Variants in SASH1 observed in about 807,000 individuals in gnomAD.
SASH1 encodes the protein SAM and SH3 domain-containing protein 1.
SASH1 carries 44 observed loss-of-function variants against 125.2 expected under a neutral mutation model. The ratio of observed to expected loss-of-function variants is 0.35; its 90% CI spans 0.28 to 0.45. The LOEUF (loss-of-function observed/expected upper bound fraction) is 0.45. Among genes scored for constraint, SASH1 ranks in the 20% least tolerant of loss-of-function variants. The pLI is 1.00. For synonymous variants in SASH1, 639 were observed against 649.1 expected (o/e 0.98, Z 0.24); for missense variants, 1,426 against 1,614.5 (o/e 0.88, Z 2.00).
chr6:148,319,160 G>C (rs530316348), intron 1 of SASH1, among the ~76,000 whole-genome samples: 4 of 148,198 alleles, frequency 2.7e-5, no homozygotes, highest in African/African-American at 5.0e-5. Context: ...AGCCTCCCGA[G>C]TAGCTGGGAC....
At chr6:148,447,944 C>G (rs371720808) in intron 4 of SASH1, among the ~76,000 whole-genome samples, 39 of 152,260 alleles carry the variant, frequency 2.6e-4, no homozygotes, top group African/African-American at 9.4e-4. Context: ...CATTACCCCC[C>G]GCTGCCCACT....
rs58484802 is a variant in SASH1, at chr6:148,328,544, G to C, written n.74+56167G>C. Among the ~76,000 whole-genome samples, 511 of 151,458 alleles carry C rather than the reference G, an allele frequency of 3.4e-3. 3 individuals carry two copies. The highest frequency in any genetic ancestry group is 0.012 in the African/African-American group (490 of 41,248). ...GGAGGTGGAGTTTGCAGTGAGTCAA[G>C]ATCTTGCCACTGCACTCCAGCCTGG... On this transcript the variant is annotated intron_variant and non_coding_transcript_variant, in intron 1 of 3. Transcript: ENST00000367469.
intron 2 of SASH1, among the ~76,000 whole-genome samples, chr6:148,393,955 T>G (rs1386971311): frequency 6.7e-5 from 10 of 148,922 alleles, no homozygotes. Context: ...TGCAATGTCA[T>G]GGTCTCGGCT....
chr6:148,346,531 A>C (rs1166272223), intron 1 of SASH1, among the ~76,000 whole-genome samples: 1 of 151,468 alleles, frequency 6.6e-6, no homozygotes, highest in East Asian at 1.9e-4. Flanking sequence ...CCTGGAGGGC[A>C]GGGTCAGTGT....
intron 4 of SASH1, among the ~76,000 whole-genome samples, chr6:148,465,785 C>T (rs1219815822): frequency 6.6e-6 from 1 of 152,198 alleles, no homozygotes; most frequent in Non-Finnish European, 1.5e-5. Flanking sequence ...TTCTTTCTTT[C>T]TGAAGGATTT....
chr6:148,530,096 C>T (rs546791974), intron 12 of SASH1, among the ~76,000 whole-genome samples: 17 of 152,258 alleles, frequency 1.1e-4, no homozygotes, highest in South Asian at 8.3e-4. Flanking sequence ...TGAGCCACTG[C>T]GCCCACCTTG....
At chr6:148,505,588 G>A (rs955235539) in intron 8 of SASH1, among the ~76,000 whole-genome samples, 1 of 151,786 alleles carries the variant, frequency 6.6e-6, no homozygotes, top group Non-Finnish European at 1.5e-5. Context: ...TGGGATTACA[G>A]GCATGAGCCA....
intron 8 of SASH1, among the ~76,000 whole-genome samples, chr6:148,505,302 G>T (rs546263948): frequency 8.5e-4 from 129 of 152,276 alleles, no homozygotes; most frequent in Non-Finnish European, 1.4e-3. Flanking sequence ...CACGTAAAAA[G>T]GTTGTTGGTT....
At chr6:148,299,939 T>G (rs1430298626) in intron 1 of SASH1, among the ~76,000 whole-genome samples, 1 of 152,164 alleles carries the variant, frequency 6.6e-6, no homozygotes, top group Non-Finnish European at 1.5e-5. Flanking sequence ...GTTGTCAAGA[T>G]GCTGGGGAGG....
chr6:148,249,655 C>A, the SASH1 span, among the ~76,000 whole-genome samples: 2 of 152,198 alleles, frequency 1.3e-5, no homozygotes, highest in African/African-American at 2.4e-5. Context: ...CAGGTCATGT[C>A]TGAGAAACAG....
intron 1 of SASH1, among the ~76,000 whole-genome samples, chr6:148,365,551 C>T (rs1300882018): frequency 5.9e-5 from 9 of 151,966 alleles, no homozygotes; most frequent in East Asian, 3.9e-4. Flanking sequence ...GACCATATTT[C>T]CCTTTAAGAA....
chr6:148,208,966 C>A, the SASH1 span, among the ~76,000 whole-genome samples: 23 of 152,142 alleles, frequency 1.5e-4, no homozygotes, highest in Admixed American at 4.6e-4. Flanking sequence ...AAAAATAAGG[C>A]CTTTTTCTGC....
chr6:148,496,100 G>T (rs568400664), intron 8 of SASH1, among the ~76,000 whole-genome samples: 1 of 151,656 alleles, frequency 6.6e-6, no homozygotes, highest in Non-Finnish European at 1.5e-5. Flanking sequence ...CGCCTGCCTC[G>T]GCCTCCCAAA....
chr6:148,545,334 A>G (rs1782492445), intron 18 of SASH1, among the ~76,000 whole-genome samples: 1 of 152,186 alleles, frequency 6.6e-6, no homozygotes, highest in South Asian at 2.1e-4. Context: ...CATTCCTGAG[A>G]GTCCTTTATT....
At chr6:148,194,606 A>G in the SASH1 span, among the ~76,000 whole-genome samples, 1 of 152,178 alleles carries the variant, frequency 6.6e-6, no homozygotes, top group South Asian at 2.1e-4. Context: ...AGTCACTTCT[A>G]TTCATTAAAG....
intron 1 of SASH1, among the ~76,000 whole-genome samples, chr6:148,312,329 G>T (rs1366387768): frequency 6.6e-6 from 1 of 152,186 alleles, no homozygotes. Flanking sequence ...CAATACTCTA[G>T]ATAGTACTTA....
the SASH1 span, among the ~76,000 whole-genome samples, chr6:148,218,050 G>A: frequency 6.6e-6 from 1 of 151,426 alleles, no homozygotes; most frequent in African/African-American, 2.4e-5. Flanking sequence ...ATGAATCTTG[G>A]GCACTTGTAG....
intron 8 of SASH1, chr6:148,513,305 C>T (rs759763698): frequency 2.6e-4 from 259 of 985,298 alleles, no homozygotes; most frequent in Middle Eastern, 5.2e-4. Flanking sequence ...GTTGTCAGGG[C>T]GTGCGACGTG....
At chr6:148,448,689 A>T (rs960619563) in intron 4 of SASH1, among the ~76,000 whole-genome samples, 1 of 152,104 alleles carries the variant, frequency 6.6e-6, no homozygotes, top group Non-Finnish European at 1.5e-5. Context: ...TGAGCTCTTT[A>T]GGTACTCATT....
Sources: allele counts gnomAD v4.1 joint callset (sites outside exome capture counted in the v4.1 genomes callset), GRCh38; gene constraint gnomAD v4.1.1; transcripts MANE v1.5; gene names NCBI Gene and HGNC (gene_info 2026-07-23, HGNC 2026-07-21).